Variants in KIAA1671 observed in about 807,000 individuals in gnomAD.
KIAA1671 encodes the protein uncharacterized protein KIAA1671.
Under a neutral mutation model 131.2 loss-of-function variants are expected in KIAA1671, and 52 were observed. The observed-to-expected ratio is 0.40, with a 90% CI of 0.32 to 0.50. The LOEUF (loss-of-function observed/expected upper bound fraction) is 0.50, where lower values mean the gene tolerates loss of function less well. Ranked by LOEUF, KIAA1671 falls within the 20% of genes least tolerant of loss-of-function variation. KIAA1671 has a pLI of 0.73. For synonymous variants in KIAA1671, 1,003 were observed against 961.6 expected (o/e 1.04, Z -0.80); for missense variants, 2,360 against 2,364.2 (o/e 1.00, Z 0.04).
At chr22:25,164,957 AAAAAG>A (rs971061976) in intron 6 of KIAA1671, among the ~76,000 whole-genome samples, 3 of 107,294 alleles carry the variant, frequency 2.8e-5, no homozygotes, top group Non-Finnish European at 5.3e-5. Context: ...GGAAAAAAAA[AAAAAG>A]AGAGAGAGTT....
At chr22:25,143,269 G>A (rs1222924309) in intron 6 of KIAA1671, among the ~76,000 whole-genome samples, 1 of 152,218 alleles carries the variant, frequency 6.6e-6, no homozygotes. Context: ...GGGTTAGGAA[G>A]GAAACAGATG....
At chr22:25,100,781 T>C (rs993374495) in intron 6 of KIAA1671, among the ~76,000 whole-genome samples, 4 of 152,212 alleles carry the variant, frequency 2.6e-5, no homozygotes, top group Non-Finnish European at 5.9e-5. Context: ...ATTGGGTCTT[T>C]GGCTTCCCTG....
intron 1 of KIAA1671, among the ~76,000 whole-genome samples, chr22:24,996,894 G>T (rs769148022): frequency 2.0e-5 from 3 of 152,164 alleles, no homozygotes; most frequent in African/African-American, 4.8e-5. Flanking sequence ...TGGGGGAGGG[G>T]CAGATCCAAC....
intron 1 of KIAA1671, among the ~76,000 whole-genome samples, chr22:24,998,442 G>T (rs1303001191): frequency 6.6e-6 from 1 of 151,466 alleles, no homozygotes; most frequent in Non-Finnish European, 1.5e-5. Context: ...CATTTGGGCC[G>T]GGCACGGTGG....
At chr22:25,186,774 C>T (rs951876367) in intron 11 of KIAA1671, among the ~76,000 whole-genome samples, 4 of 152,208 alleles carry the variant, frequency 2.6e-5, no homozygotes, top group East Asian at 1.9e-4. Context: ...AAATACATAG[C>T]GCAGAGTGGG....
At chr22:25,107,641 G>A (rs1427420159) in intron 6 of KIAA1671, among the ~76,000 whole-genome samples, 2 of 151,642 alleles carry the variant, frequency 1.3e-5, no homozygotes, top group African/African-American at 4.8e-5. Context: ...TCCCACCTTG[G>A]GTTCCCAAAG....
At chr22:25,060,787 TGACCACAA>T (rs1324870707) in intron 6 of KIAA1671, 2 of 152,052 alleles carry the variant, frequency 1.3e-5, no homozygotes, top group Non-Finnish European at 2.9e-5. Flanking sequence ...CATTCAGAAA[TGACCACAA>T]GAGGGTAGGA....
intron 6 of KIAA1671, among the ~76,000 whole-genome samples, chr22:25,125,932 G>T (rs1475123231): frequency 6.6e-6 from 1 of 152,170 alleles, no homozygotes; most frequent in Non-Finnish European, 1.5e-5. Context: ...TGTAATTTTG[G>T]GCAAGTCTGT....
Position 24,995,252 on chromosome 22 carries a change from C to T in KIAA1671, c.-207-30381C>T, listed in dbSNP as rs560388320. On this transcript the variant is annotated intron_variant, in intron 1 of 12. Transcript: ENST00000358431. ...TTTTTTTAGTAGAGACAGGGTTTCG[C>T]CATGTTAGCCAGGATGGTCTCGATC... 1.4e-4 allele frequency among the ~76,000 whole-genome samples: 22 copies of T among 151,996 alleles called. No homozygotes were observed. In the South Asian group the frequency reaches 4.6e-3, roughly 32 times the overall value.
In KIAA1671 at chr22:25,026,409, A is replaced by G. The variant is rs1925944782; in HGVS notation, c.-56+625A>G. On this transcript the variant is annotated intron_variant, in intron 2 of 12. Transcript: ENST00000358431. ...AACTTACCTGGCACTTTTTAAGACCAGAAAGGAATAAAAAATAATTTTTAA... is the reference window on the plus strand; with the variant it reads ...AACTTACCTGGCACTTTTTAAGACCGGAAAGGAATAAAAAATAATTTTTAA... Among the ~76,000 whole-genome samples, 3 of 152,310 alleles carry G rather than the reference A, an allele frequency of 2.0e-5. No individual in the cohort carries two copies. The South Asian group carries it at 6.2e-4, about 32-fold the overall frequency.
intron 6 of KIAA1671, among the ~76,000 whole-genome samples, chr22:25,162,130 T>C (rs57173337): frequency 0.27 from 40,384 of 152,088 alleles, 5,479 homozygotes; most frequent in South Asian, 0.39. Flanking sequence ...CTTTATAGGC[T>C]TCTTGGGAGC....
Position 25,040,294 on chromosome 22 carries a change from C to T in KIAA1671, c.3164C>T (p.Ser1055Phe). Residue 1055 changes from serine (S) to phenylalanine (F), a missense_variant, in exon 5 of 13, where the codon TCT becomes TTT. Physicochemically the swap from Ser to Phe is radical, Grantham distance 155. Transcript: ENST00000358431. ...LSGAESLLEHSRKITPPSSPH... is the reference protein window; with the variant it reads ...LSGAESLLEHFRKITPPSSPH... The stretch of plus-strand genomic sequence containing the variant: ...GGAGCTGAAAGCTTGCTGGAACATT[C>T]TAGAAAAATCACTCCACCCTCGTCT... 1 of 1,551,722 alleles carries T rather than the reference C, an allele frequency of 6.4e-7. No individual in the cohort carries two copies. Among genetic ancestry groups the T allele is most frequent in the South Asian group, 1.2e-5 (1 of 84,058 alleles).
chr22:25,034,131 C>T (rs1926458761), intron 4 of KIAA1671, among the ~76,000 whole-genome samples: 2 of 151,694 alleles, frequency 1.3e-5, no homozygotes, highest in South Asian at 2.1e-4. Context: ...CAGCAACATC[C>T]ACCTCCCAGG....
At chr22:25,091,161 G>A (rs1373508414) in intron 6 of KIAA1671, among the ~76,000 whole-genome samples, 2 of 152,124 alleles carry the variant, frequency 1.3e-5, no homozygotes, top group Admixed American at 6.5e-5. Flanking sequence ...ATGTTCAAGC[G>A]ATTCTCCTGC....
chr22:24,967,334 G>A (rs1373267908), intron 1 of KIAA1671, among the ~76,000 whole-genome samples: 2 of 152,124 alleles, frequency 1.3e-5, no homozygotes, highest in Non-Finnish European at 1.5e-5. Context: ...GAAAGATAAA[G>A]CCCTCCTCAA....
At chr22:25,008,885 CT>C (rs1216184220) in intron 1 of KIAA1671, among the ~76,000 whole-genome samples, 1 of 152,240 alleles carries the variant, frequency 6.6e-6, no homozygotes, top group Admixed American at 6.5e-5. Context: ...AGAAATAGGT[CT>C]GTTGTCATGC....
chr22:24,986,666 CCCACCCAT>C (rs1245204600), intron 1 of KIAA1671, among the ~76,000 whole-genome samples: 6 of 128,706 alleles, frequency 4.7e-5, no homozygotes, highest in Non-Finnish European at 1.0e-4. Flanking sequence ...CACCCATCCA[CCCACCCAT>C]CCACCCATCC....
At chr22:25,050,393 A>T (rs1927472975) in intron 6 of KIAA1671, 1 of 152,240 alleles carries the variant, frequency 6.6e-6, no homozygotes, top group South Asian at 2.1e-4. Flanking sequence ...GGGGCATCGA[A>T]GACAGGGCTC....
At chr22:25,068,333 G>A (rs538662799) in intron 6 of KIAA1671, among the ~76,000 whole-genome samples, 2 of 152,370 alleles carry the variant, frequency 1.3e-5, no homozygotes, top group Admixed American at 6.5e-5. Flanking sequence ...GGAGTGGGGC[G>A]CTGAGAATCA....
Sources: gnomAD v4.1 joint callset for allele counts (sites outside exome capture counted in the v4.1 genomes callset) on GRCh38, gnomAD v4.1.1 for gene constraint, MANE v1.5 for transcripts, NCBI Gene and HGNC (gene_info 2026-07-23, HGNC 2026-07-21) for gene names.